Variants in DLGAP2 observed in about 807,000 individuals in gnomAD.
The protein encoded by DLGAP2 is disks large-associated protein 2.
In DLGAP2, 26 loss-of-function variants were observed where a neutral mutation model predicts 100.3. That is an observed-to-expected ratio of 0.26 (90% CI 0.19 to 0.36). The LOEUF is 0.36. Ranked by LOEUF, DLGAP2 falls within the 10% of genes least tolerant of loss-of-function variation. The pLI is 1.00. For synonymous variants in DLGAP2, 886 were observed against 630.1 expected (o/e 1.41, Z -6.08); for missense variants, 1,858 against 1,453.2 (o/e 1.28, Z -4.53).
chr8:978,751 G>A (rs1002481280), intron 2 of DLGAP2, among the ~76,000 whole-genome samples: 2 of 152,054 alleles, frequency 1.3e-5, no homozygotes, highest in African/African-American at 4.8e-5. Flanking sequence ...ATCTGGTAAG[G>A]CATTTCAATG....
chr8:1,695,358 C>T (rs1380885635), intron 13 of DLGAP2, among the ~76,000 whole-genome samples: 2 of 142,390 alleles, frequency 1.4e-5, no homozygotes, highest in Admixed American at 6.8e-5. Flanking sequence ...AGAGGGGGCA[C>T]AGCCATGCCC....
chr8:762,337 A>C (rs1821108776), intron 1 of DLGAP2, among the ~76,000 whole-genome samples: 1 of 152,250 alleles, frequency 6.6e-6, no homozygotes. Context: ...GGGTGTTTTA[A>C]AATGTAAATT....
intron 2 of DLGAP2, among the ~76,000 whole-genome samples, chr8:1,255,932 TCCTCTCCTGCCTGGGTGCTGTGTGTGTGC>T (rs1799196573): frequency 1.6e-5 from 2 of 126,358 alleles, no homozygotes; most frequent in African/African-American, 3.4e-5. Flanking sequence ...TGTGTGTGTG[TCCTCTCCTGCCTGGGTGCTGTGTGTGTGC>T]CCTCTCATCC....
intron 4 of DLGAP2, among the ~76,000 whole-genome samples, chr8:1,503,439 C>T (rs573937029): frequency 1.3e-5 from 2 of 152,240 alleles, no homozygotes; most frequent in South Asian, 4.1e-4. Flanking sequence ...CTGCATGTAT[C>T]AATGTGTCAC....
intron 3 of DLGAP2, among the ~76,000 whole-genome samples, chr8:1,464,269 G>GACAA (rs1798549434): frequency 4.4e-5 from 2 of 45,320 alleles, no homozygotes; most frequent in East Asian, 2.3e-3. Context: ...TTCCAGGACG[G>GACAA]CACCCTTCCA....
chr8:1,557,712 C>T (rs1389754235), intron 5 of DLGAP2, among the ~76,000 whole-genome samples: 1 of 152,174 alleles, frequency 6.6e-6, no homozygotes, highest in Non-Finnish European at 1.5e-5. Context: ...CCTGCTGAGC[C>T]TCTCCTGGGC....
intron 3 of DLGAP2, among the ~76,000 whole-genome samples, chr8:1,270,067 T>A (rs892111215): frequency 2.0e-5 from 3 of 152,172 alleles, no homozygotes; most frequent in African/African-American, 7.2e-5. Flanking sequence ...TCTTTTCCCA[T>A]TTCCCTTGGG....
chr8:1,045,654 C>G (rs1342629863), intron 2 of DLGAP2, among the ~76,000 whole-genome samples: 1 of 152,176 alleles, frequency 6.6e-6, no homozygotes, highest in Non-Finnish European at 1.5e-5. Flanking sequence ...CCACCCAGGT[C>G]CTGGTAACCA....
At chr8:786,067 C>T (rs1242251348) in intron 1 of DLGAP2, among the ~76,000 whole-genome samples, 2 of 152,306 alleles carry the variant, frequency 1.3e-5, no homozygotes, top group Middle Eastern at 3.4e-3. Flanking sequence ...AGCTCGCTGC[C>T]CGCCGCCTCC....
chr8:1,330,726 C>G (rs1360753703), intron 3 of DLGAP2, among the ~76,000 whole-genome samples: 1 of 127,778 alleles, frequency 7.8e-6, no homozygotes, highest in Non-Finnish European at 1.6e-5. Context: ...GGGAGCGCCA[C>G]TTCACCAGGA....
chr8:842,213 G>T (rs993499146), intron 1 of DLGAP2, among the ~76,000 whole-genome samples: 6 of 152,170 alleles, frequency 3.9e-5, no homozygotes, highest in African/African-American at 1.4e-4. Context: ...GTTCTCTGGA[G>T]TTTGTTGTCT....
chr8:882,434 C>T (rs1797826351), intron 1 of DLGAP2, among the ~76,000 whole-genome samples: 1 of 137,448 alleles, frequency 7.3e-6, no homozygotes, highest in African/African-American at 2.7e-5. Context: ...CTCGCCTGAT[C>T]CAGCGGTACC....
chr8:1,133,136 T>TAGC (rs1563208840), intron 2 of DLGAP2, among the ~76,000 whole-genome samples: 1 of 152,094 alleles, frequency 6.6e-6, no homozygotes, highest in South Asian at 2.1e-4. Flanking sequence ...CTCTGGAGCA[T>TAGC]TAGCTTCCTT....
At position 1,255,814 on chromosome 8, in the gene DLGAP2, C is replaced by A. The variant is rs1585197862; in HGVS notation, c.74-3037C>A. Among the ~76,000 whole-genome samples the A allele has an allele frequency of 1.5e-5, 2 of 130,894 alleles. 1 individual carries two copies. Among genetic ancestry groups the A allele is most frequent in the African/African-American group, 6.2e-5 (2 of 32,306 alleles). 85.9% of individuals were successfully genotyped at this position (130,894 alleles called of 152,430 possible). A position where few individuals can be genotyped will look rare whatever the true frequency, so the allele number is the denominator to read the frequency against. On this transcript the variant is annotated intron_variant, in intron 2 of 14. Transcript: ENST00000637795. ...TCCTGCCTGGGTGCTATGTGTGTGT[C>A]TTCTCCTGCCCAGGTGCTGTGTGTG...
At chr8:1,346,386 G>A (rs1365162041) in intron 3 of DLGAP2, among the ~76,000 whole-genome samples, 1 of 150,700 alleles carries the variant, frequency 6.6e-6, no homozygotes, top group African/African-American at 2.5e-5. Context: ...TTCCCATACA[G>A]AGCTGCATTG....
chr8:1,066,919 G>A (rs1038611028), intron 2 of DLGAP2, among the ~76,000 whole-genome samples: 3 of 152,168 alleles, frequency 2.0e-5, no homozygotes, highest in East Asian at 1.9e-4. Context: ...CCATTGCCTC[G>A]GACCTCAGGG....
intron 2 of DLGAP2, among the ~76,000 whole-genome samples, chr8:917,162 G>T (rs543720591): frequency 1.3e-5 from 2 of 152,178 alleles, no homozygotes; most frequent in East Asian, 3.9e-4. Flanking sequence ...CACCCCTTTT[G>T]CCTATTTTAC....
At chr8:1,487,132 G>A (rs777955456) in intron 3 of DLGAP2, among the ~76,000 whole-genome samples, 1 of 152,086 alleles carries the variant, frequency 6.6e-6, no homozygotes, top group Non-Finnish European at 1.5e-5. Context: ...GGTTTTCTGC[G>A]AGTAAACTTG....
At chr8:1,438,753 C>G (rs1160796478) in intron 3 of DLGAP2, among the ~76,000 whole-genome samples, 3 of 152,170 alleles carry the variant, frequency 2.0e-5, no homozygotes, top group Non-Finnish European at 2.9e-5. Context: ...CAACGAAATT[C>G]TTAGAATGGA....
Sources: gnomAD v4.1 joint callset for allele counts (sites outside exome capture counted in the v4.1 genomes callset) on GRCh38, gnomAD v4.1.1 for gene constraint, MANE v1.5 for transcripts, NCBI Gene and HGNC (gene_info 2026-07-23, HGNC 2026-07-21) for gene names.